Variants in DIP2C observed in about 807,000 individuals in gnomAD.
The protein encoded by DIP2C is DIP2 acetate--CoA ligase C (putative).
In DIP2C, 33 loss-of-function variants were observed where a neutral mutation model predicts 192.4. That is an observed-to-expected ratio of 0.17 (90% CI 0.13 to 0.23). The LOEUF (loss-of-function observed/expected upper bound fraction) is 0.23. Ranked by LOEUF, DIP2C falls within the 10% of genes least tolerant of loss-of-function variation. The pLI is 1.00. For synonymous variants in DIP2C, 979 were observed against 864.1 expected (o/e 1.13, Z -2.33); for missense variants, 1,537 against 2,110.1 (o/e 0.73, Z 5.32).
rs570874489 is a variant in DIP2C at position 466,683 on chromosome 10, A to C, written c.268+5756T>G. Among the ~76,000 whole-genome samples, 266 of 151,678 alleles carry C rather than the reference A, an allele frequency of 1.8e-3. 1 individual carries two copies. The highest frequency in any genetic ancestry group is 0.016 in the East Asian group (82 of 5,154). On this transcript the variant is annotated intron_variant, in intron 3 of 36. Transcript: ENST00000280886. The stretch of plus-strand genomic sequence containing the variant: ...TCCAGAATCTACAATGAACTCAAAC[A>C]AATTTACAAGAAAAAAACAACCCCA...
chr10:498,285 T>C (rs1217661350), intron 1 of DIP2C, among the ~76,000 whole-genome samples: 2 of 152,014 alleles, frequency 1.3e-5, no homozygotes, highest in Non-Finnish European at 2.9e-5. Flanking sequence ...TCACAAAGGG[T>C]GGGGAAGCAG....
intron 32 of DIP2C, among the ~76,000 whole-genome samples, chr10:290,111 T>A (rs1364873425): frequency 6.6e-6 from 1 of 152,204 alleles, no homozygotes; most frequent in Non-Finnish European, 1.5e-5. Flanking sequence ...GGAGGGTGCC[T>A]GTGTGCATCA....
intron 31 of DIP2C, among the ~76,000 whole-genome samples, chr10:324,461 A>G (rs1363211480): frequency 6.6e-6 from 1 of 152,230 alleles, no homozygotes; most frequent in African/African-American, 2.4e-5. Flanking sequence ...TGCTTTGTAC[A>G]TAAATTTAAT....
chr10:309,477 C>T (rs1415285620), intron 32 of DIP2C, among the ~76,000 whole-genome samples: 2 of 152,106 alleles, frequency 1.3e-5, no homozygotes, highest in African/African-American at 4.8e-5. Context: ...CGAGTGCCTG[C>T]CTTCCAGTGA....
At chr10:337,305 G>A (rs1396114069) in intron 29 of DIP2C, among the ~76,000 whole-genome samples, 1 of 134,894 alleles carries the variant, frequency 7.4e-6, no homozygotes, top group African/African-American at 2.7e-5. Flanking sequence ...AGGCAGCTGT[G>A]TGTGTGTGTG....
At chr10:584,972 C>T (rs1226977851) in intron 1 of DIP2C, among the ~76,000 whole-genome samples, 1 of 148,084 alleles carries the variant, frequency 6.8e-6, no homozygotes, top group Non-Finnish European at 1.5e-5. Context: ...ACCTGACCCC[C>T]ACTCACGCGC....
intron 1 of DIP2C, among the ~76,000 whole-genome samples, chr10:621,054 G>C (rs1588621716): frequency 6.6e-6 from 1 of 152,268 alleles, no homozygotes; most frequent in Non-Finnish European, 1.5e-5. Context: ...CAAGTACCTG[G>C]AGAGGAAGAA....
At chr10:640,864 T>C (rs918756351) in intron 1 of DIP2C, among the ~76,000 whole-genome samples, 9 of 151,868 alleles carry the variant, frequency 5.9e-5, no homozygotes, top group African/African-American at 1.9e-4. Flanking sequence ...AGCAAGGGTG[T>C]TGGCCAAGCC....
intron 14 of DIP2C, 118 bp from the exon 15 acceptor site, chr10:384,757 G>T: frequency 1.0e-6 from 1 of 965,064 alleles, no homozygotes; most frequent in Non-Finnish European, 1.6e-6. Context: ...AGGGAGCGCT[G>T]CAGACACCAT....
At chr10:538,326 CT>C (rs201167917) in intron 1 of DIP2C, among the ~76,000 whole-genome samples, 7 of 151,844 alleles carry the variant, frequency 4.6e-5, no homozygotes, top group African/African-American at 1.7e-4. Context: ...TCGGCTAGTT[CT>C]TTTTTGTAGA....
intron 1 of DIP2C, chr10:668,203 CAT>C (rs1857226520): frequency 6.6e-6 from 1 of 151,854 alleles, no homozygotes; most frequent in Non-Finnish European, 1.5e-5. Context: ...CACAACACAA[CAT>C]ACACATACAA....
chr10:602,789 C>G (rs1852179451), intron 1 of DIP2C, among the ~76,000 whole-genome samples: 2 of 152,212 alleles, frequency 1.3e-5, no homozygotes, highest in African/African-American at 4.8e-5. Context: ...ACAAGGAATT[C>G]TACCCAGAAC....
chr10:293,341 C>A (rs1017302880), intron 32 of DIP2C, among the ~76,000 whole-genome samples: 2 of 152,210 alleles, frequency 1.3e-5, no homozygotes, highest in East Asian at 3.8e-4. Flanking sequence ...GAAACCCGGT[C>A]ATGGAAAGCT....
chr10:522,986 G>A (rs1348986522), intron 1 of DIP2C, among the ~76,000 whole-genome samples: 3 of 151,990 alleles, frequency 2.0e-5, no homozygotes, highest in East Asian at 1.9e-4. Flanking sequence ...GGACGCTGGA[G>A]TGAGGATGCA....
chr10:542,839 C>G (rs11253090), intron 1 of DIP2C, among the ~76,000 whole-genome samples: 6,958 of 150,448 alleles, frequency 0.046, 226 homozygotes, highest in East Asian at 0.15. Flanking sequence ...GACCCTCCCC[C>G]CTTCTCTATA....
intron 2 of DIP2C, among the ~76,000 whole-genome samples, chr10:479,954 G>GA (rs1187946963): frequency 3.4e-5 from 5 of 147,704 alleles, no homozygotes; most frequent in South Asian, 2.2e-4. Context: ...GCCAGCCTGA[G>GA]CCCCGGTCCA....
intron 6 of DIP2C, among the ~76,000 whole-genome samples, chr10:416,091 C>G (rs531539311): frequency 6.6e-6 from 1 of 151,718 alleles, no homozygotes; most frequent in East Asian, 1.9e-4. Context: ...ACATCGGACC[C>G]GAATGTCTAC....
intron 1 of DIP2C, among the ~76,000 whole-genome samples, chr10:681,597 A>T (rs1360918416): frequency 6.6e-6 from 1 of 151,934 alleles, no homozygotes; most frequent in Admixed American, 6.5e-5. Context: ...ACAGACCCTT[A>T]GTCACATGGT....
intron 4 of DIP2C, among the ~76,000 whole-genome samples, chr10:438,996 T>C (rs945996067): frequency 1.3e-5 from 2 of 152,054 alleles, no homozygotes; most frequent in Non-Finnish European, 2.9e-5. Context: ...TAATTTTTTG[T>C]ACTTTTGGTG....
Sources: allele counts gnomAD v4.1 joint callset (sites outside exome capture counted in the v4.1 genomes callset), GRCh38; gene constraint gnomAD v4.1.1; transcripts MANE v1.5; gene names NCBI Gene and HGNC (gene_info 2026-07-23, HGNC 2026-07-21).